Variants in RAB3GAP2 observed in about 807,000 individuals in gnomAD.
The protein encoded by RAB3GAP2 is rab3 GTPase-activating protein non-catalytic subunit.
Under a neutral mutation model 185.3 loss-of-function variants are expected in RAB3GAP2, and 87 were observed. The ratio of observed to expected loss-of-function variants is 0.47; its 90% CI spans 0.39 to 0.56. The LOEUF is 0.56. Among genes scored for constraint, RAB3GAP2 ranks in the 20% least tolerant of loss-of-function variants. The pLI is 0.00. For synonymous variants in RAB3GAP2, 554 were observed against 576.1 expected (o/e 0.96, Z 0.55); for missense variants, 1,492 against 1,638.2 (o/e 0.91, Z 1.54).
At position 220,151,313 on chromosome 1, in the gene RAB3GAP2, G is replaced by T. The variant is rs758399588; in HGVS notation, c.4120C>A (p.Gln1374Lys). ...ATGAGGTGTAAGGCTAGACCATATT[G>T]CCCATGTTTTTCTGGTAAAAGCTCA... The part of the protein sequence containing the change: ...VIELLPEKHG[Q>K]YGLALHLIEA... Residue 1374 changes from glutamine to lysine, a missense_variant, in exon 35 of 35, where the codon CAA becomes AAA. Physicochemically the swap from Gln to Lys is moderately conservative, Grantham distance 53. Around this residue, in one of 5 missense-constraint regions of RAB3GAP2, gnomAD observed 387 missense variants for 455.3 expected, o/e 0.85. Transcript: ENST00000358951. 1 of 1,614,042 alleles carries T rather than the reference G, an allele frequency of 6.2e-7. No homozygotes were observed. Among genetic ancestry groups the T allele is most frequent in the African/African-American group, 1.3e-5 (1 of 75,016 alleles).
intron 1 of RAB3GAP2, chr1:220,253,868 G>A (rs914157377): frequency 6.2e-7 from 1 of 1,613,200 alleles, no homozygotes. Context: ...AAGACATCTG[G>A]TCTGCAACAG....
At chr1:220,175,926 G>A (rs1215387667) in intron 21 of RAB3GAP2, among the ~76,000 whole-genome samples, 1 of 152,142 alleles carries the variant, frequency 6.6e-6, no homozygotes, top group African/African-American at 2.4e-5. Flanking sequence ...GTATATAGGA[G>A]ATCAGTATAA....
rs745715837 is a variant in RAB3GAP2 at position 220,159,428 on chromosome 1, TA to T, written c.3226-8del. On this transcript the variant is annotated splice_region_variant and splice_polypyrimidine_tract_variant and intron_variant, in intron 28 of 34. Transcript: ENST00000358951. Reference sequence around the variant, plus strand: ...CTTTTGGTGATTTTCCAACCTAAAATAAAAAGATAAAATGTTGTAACATTTA... The same window carrying T: ...CTTTTGGTGATTTTCCAACCTAAAATAAAAGATAAAATGTTGTAACATTTA... 6 of 1,581,040 alleles carry T rather than the reference TA, an allele frequency of 3.8e-6. 1 individual carries two copies. The South Asian group carries it at 5.6e-5, about 15-fold the overall frequency.
chr1:220,193,928 G>T (rs1558150923), intron 12 of RAB3GAP2, among the ~76,000 whole-genome samples: 1 of 152,134 alleles, frequency 6.6e-6, no homozygotes, highest in Non-Finnish European at 1.5e-5. Context: ...AGCTCATTTA[G>T]AGAAAAGTCC....
chr1:220,184,315 G>A, intron 18 of RAB3GAP2, 152 bp from the exon 19 acceptor site: 2 of 568,748 alleles, frequency 3.5e-6, no homozygotes, highest in Non-Finnish European at 5.6e-6. Context: ...GGTTTTGAAA[G>A]CAAAAATAAT....
At chr1:220,233,204 G>GT (rs1463879617) in intron 1 of RAB3GAP2, among the ~76,000 whole-genome samples, 8 of 152,010 alleles carry the variant, frequency 5.3e-5, no homozygotes, top group Admixed American at 2.0e-4. Context: ...AATGACAAAT[G>GT]TTTATTACTC....
At chr1:220,209,473 A>G (rs866301781) in intron 7 of RAB3GAP2, among the ~76,000 whole-genome samples, 3 of 151,994 alleles carry the variant, frequency 2.0e-5, no homozygotes, top group Non-Finnish European at 2.9e-5. Context: ...CATCAATGAA[A>G]TTTTCTTATT....
At chr1:220,206,680 G>C (rs180862666) in intron 7 of RAB3GAP2, among the ~76,000 whole-genome samples, 1 of 152,224 alleles carries the variant, frequency 6.6e-6, no homozygotes, top group East Asian at 1.9e-4. Context: ...ACTCTCTTCT[G>C]CATTTAGAAT....
chr1:220,204,185 A>AT (rs540517853), intron 8 of RAB3GAP2, among the ~76,000 whole-genome samples: 3 of 151,980 alleles, frequency 2.0e-5, no homozygotes, highest in Non-Finnish European at 4.4e-5. Context: ...GCAATCAAAA[A>AT]TTTTTCTCTG....
chr1:220,160,192 G>C (rs537281358), intron 28 of RAB3GAP2, among the ~76,000 whole-genome samples: 1 of 152,154 alleles, frequency 6.6e-6, no homozygotes, highest in African/African-American at 2.4e-5. Flanking sequence ...ATTTCCTTAC[G>C]CAATAAGTAC....
chr1:220,189,694 T>C lies in RAB3GAP2; in HGVS notation c.1779+9A>G, dbSNP rs757305024. The C allele has an allele frequency of 4.5e-6, 7 of 1,560,634 alleles. No homozygotes were observed. The Admixed American group carries it at 6.9e-5, about 15-fold the overall frequency. ...CTAGCAGGAAAGTTCGTGTATTATA[T>C]ACACTTACTTGTTTTTTGGTTGCAG... is the stretch of plus-strand genomic sequence containing the variant. On this transcript the variant is annotated intron_variant, in intron 17 of 34. Coordinates refer to ENST00000358951, the MANE Select transcript of RAB3GAP2 (RefSeq NM_012414.4).
rs1396179003 is a variant in RAB3GAP2 at position 220,267,328 on chromosome 1, T to C, written c.115+4895A>G. 3 of 1,040,060 alleles carry C rather than the reference T, an allele frequency of 2.9e-6. No individual in the cohort carries two copies. The East Asian group carries it at 7.2e-5, about 25-fold the overall frequency. The allele number at this position is 1,040,060 out of a possible 1,614,324, so 64.4% of individuals were successfully genotyped here. On this transcript the variant is annotated intron_variant, in intron 1 of 34. Coordinates refer to ENST00000358951, the MANE Select transcript of RAB3GAP2 (RefSeq NM_012414.4). ...TCTGGTGGCATCATGGAAATAACCA[T>C]ACAGTCTGATTATATTAGGATGTTG...
At chr1:220,202,164 TA>T in intron 9 of RAB3GAP2, 111 bp downstream of exon 9, 1 of 1,194,284 alleles carries the variant, frequency 8.4e-7, no homozygotes, top group Non-Finnish European at 1.1e-6. Context: ...AGCTCCATCT[TA>T]AAAAATAATA....
rs572241603 is a variant in RAB3GAP2 at position 220,166,321 on chromosome 1, A to C, written c.3087+972T>G. ...TAGCATGAATTAGTTCATCTGTGAG[A>C]GTTCTCTACAATAGTGCAACCTCAT... On this transcript the variant is annotated intron_variant, in intron 26 of 34. Transcript: ENST00000358951. Among the ~76,000 whole-genome samples, 40 of 152,322 alleles carry C rather than the reference A, an allele frequency of 2.6e-4. No individual in the cohort carries two copies. The South Asian group carries it at 7.9e-3, about 30-fold the overall frequency.
rs144795025 is a variant in RAB3GAP2, at chr1:220,247,401, C to T, written c.116-14538G>A. 9.2e-4 allele frequency among the ~76,000 whole-genome samples: 140 copies of T among 152,272 alleles called. 1 individual carries two copies. Among genetic ancestry groups the T allele is most frequent in the African/African-American group, 3.2e-3 (134 of 41,542 alleles). The stretch of plus-strand genomic sequence containing the variant: ...GTATAAAGAAAATGTGGTATATATA[C>T]ACCACAGAATATCACTCAGCTATAT... On this transcript the variant is annotated intron_variant, in intron 1 of 34. Transcript: ENST00000358951.
intron 2 of RAB3GAP2, among the ~76,000 whole-genome samples, chr1:220,216,343 G>T (rs1659201668): frequency 1.3e-5 from 2 of 152,150 alleles, no homozygotes; most frequent in Non-Finnish European, 2.9e-5. Flanking sequence ...AGATAAATTA[G>T]AAAATTATCC....
chr1:220,196,050 T>G, intron 10 of RAB3GAP2, 200 bp downstream of exon 10: 1 of 619,564 alleles, frequency 1.6e-6, no homozygotes, highest in South Asian at 2.0e-5. Flanking sequence ...AAGAATTTCC[T>G]TTTATACTGA....
intron 1 of RAB3GAP2, among the ~76,000 whole-genome samples, chr1:220,269,073 GAAC>G (rs879165191): frequency 1.3e-5 from 2 of 152,178 alleles, no homozygotes; most frequent in Non-Finnish European, 2.9e-5. Context: ...ATATGATTGA[GAAC>G]AACAAGTAGG....
At chr1:220,204,423 A>G (rs1056553207) in intron 8 of RAB3GAP2, among the ~76,000 whole-genome samples, 1 of 152,182 alleles carries the variant, frequency 6.6e-6, no homozygotes, top group African/African-American at 2.4e-5. Context: ...TCCGTAGGTA[A>G]GAAGTCCATT....
Sources: gnomAD v4.1 joint callset for allele counts (sites outside exome capture counted in the v4.1 genomes callset) on GRCh38, gnomAD v4.1.1 for gene constraint, gnomAD v4.1.1 regional missense constraint, MANE v1.5 for transcripts, NCBI Gene and HGNC (gene_info 2026-07-23, HGNC 2026-07-21) for gene names.